DPH2: variants seen among roughly 807,000 people sequenced by gnomAD.
The protein encoded by DPH2 is diphthamide biosynthesis 2.
In DPH2, 28 loss-of-function variants were observed where a neutral mutation model predicts 42.5. The observed-to-expected ratio is 0.66, with a 90% CI of 0.49 to 0.90. The LOEUF is 0.90. Among genes scored for constraint, DPH2 ranks in the 40% least tolerant of loss-of-function variants. The pLI, the probability that DPH2 is intolerant of heterozygous loss-of-function variation, is 0.00. For synonymous variants in DPH2, 279 were observed against 264.4 expected (o/e 1.06, Z -0.53); for missense variants, 576 against 636.0 (o/e 0.91, Z 1.01).
Position 43,972,180 on chromosome 1 carries a change from C to G in DPH2, c.1191C>G (p.Leu397=). 6.2e-7 allele frequency: 1 copy of G among 1,614,034 alleles called. No individual in the cohort carries two copies. The highest frequency in any genetic ancestry group is 8.5e-7 in the Non-Finnish European group (1 of 1,179,936). The change falls in exon 5 of 6, where the codon CTC becomes CTG. Residue 397 remains leucine (L), a synonymous_variant. Coordinates refer to ENST00000255108, the MANE Select transcript of DPH2 (RefSeq NM_001384.5). ...CAGGCTCTCCCTTCCACGTGGCTCT[C>G]CCACCACCTGAGTCAGAGCTGTGGG... ...LLPGSPFHVA[L]PPPESELWET...
chr1:43,970,983 TG>T lies in DPH2; in HGVS notation c.281del (p.Gly94ValfsTer18), dbSNP rs1557640485. The T allele has an allele frequency of 6.3e-7, 1 of 1,580,706 alleles. No individual in the cohort carries two copies. The highest frequency in any genetic ancestry group is 8.6e-7 in the Non-Finnish European group (1 of 1,162,156). ...TAYGSCCVDV[L>X]GAEQAGAQAL... is the part of the protein sequence containing the mutation. ...CCCTGCAGCTGCTGCGTGGATGTGCTGGGTGCTGAGCAAGCTGGAGCTCAGG... is the reference window on the plus strand; with the variant it reads ...CCCTGCAGCTGCTGCGTGGATGTGCTGGTGCTGAGCAAGCTGGAGCTCAGG... On this transcript the variant is annotated frameshift_variant, in exon 3 of 6. Transcript: ENST00000255108. LOFTEE classifies it high-confidence loss of function.
In DPH2 at chr1:43,972,916, T is replaced by G; in HGVS notation, c.*377T>G. 5.7e-6 allele frequency: 1 copy of G among 175,318 alleles called. No individual in the cohort carries two copies. The allele number at this position is 175,318 out of a possible 1,614,324, so 10.9% of individuals were successfully genotyped here. A position where few individuals can be genotyped will look rare whatever the true frequency, so the allele number is the denominator to read the frequency against. ...CAGTCTAGACCAGGGTTTCTCAAAC[T>G]CGTACTTGACATTTGGGGCCAGATA... On this transcript the variant is annotated 3_prime_UTR_variant, in exon 6 of 6. Coordinates refer to ENST00000255108, the MANE Select transcript of DPH2 (RefSeq NM_001384.5).
chr1:43,970,616 C>T lies in DPH2; in HGVS notation c.168C>T (p.Asp56=). The change falls in exon 2 of 6, where the codon GAC becomes GAT. Residue 56 remains aspartate (D), a synonymous_variant. Transcript: ENST00000255108. ...GCERVALQFP[D]QLLGDAVAVA... Reference sequence around the variant, plus strand: ...TATAGGTTGCCTTGCAGTTCCCTGACCAGCTATTGGGAGATGCTGTGGCTG... The same window carrying T: ...TATAGGTTGCCTTGCAGTTCCCTGATCAGCTATTGGGAGATGCTGTGGCTG... 1.9e-6 allele frequency: 3 copies of T among 1,614,176 alleles called. No individual in the cohort carries two copies. Among genetic ancestry groups the T allele is most frequent in the Non-Finnish European group, 2.5e-6 (3 of 1,180,032 alleles).
rs773929521 is a variant in DPH2, at chr1:43,971,792, G to A, written c.890G>A (p.Arg297His). ...LAGTLGVAQHREALAHLRNLT... is the reference protein window; with the variant it reads ...LAGTLGVAQHHEALAHLRNLT... Reference sequence around the variant, plus strand: ...GGCACACTGGGTGTAGCCCAACACCGTGAGGCACTGGCCCACTTGCGGAAC... The same window carrying A: ...GGCACACTGGGTGTAGCCCAACACCATGAGGCACTGGCCCACTTGCGGAAC... Residue 297 changes from arginine (R) to histidine (H), a missense_variant, in exon 4 of 6, where the codon CGT becomes CAT. Arg to His is a conservative substitution (Grantham distance 29). Coordinates refer to ENST00000255108, the MANE Select transcript of DPH2 (RefSeq NM_001384.5). 29 of 1,610,938 alleles carry A rather than the reference G, an allele frequency of 1.8e-5. No individual in the cohort carries two copies. The highest frequency in any genetic ancestry group is 2.5e-5 in the Non-Finnish European group (29 of 1,180,010).
chr1:43,972,056 C>G lies in DPH2; in HGVS notation c.1154C>G (p.Ala385Gly). 6.2e-7 allele frequency: 1 copy of G among 1,613,544 alleles called. No homozygotes were observed. Among genetic ancestry groups the G allele is most frequent in the Non-Finnish European group, 8.5e-7 (1 of 1,179,640 alleles). ...CTGGCTCCCCACCTCACACATTATG[C>G]GGACTTATTGCCTGGTGAGTAGTGG... Reference protein sequence around the residue: ...PGLAPHLTHYADLLPGSPFHV... With the variant: ...PGLAPHLTHYGDLLPGSPFHV... Residue 385 changes from alanine (A) to glycine (G), a missense_variant, in exon 4 of 6, where the codon GCG (alanine) becomes GGG (glycine). Physicochemically the swap from Ala to Gly is moderately conservative, Grantham distance 60. Around this residue, in one of 3 missense-constraint regions of DPH2, gnomAD observed 178 missense variants for 184.4 expected, o/e 0.97. Coordinates refer to ENST00000255108, the MANE Select transcript of DPH2 (RefSeq NM_001384.5).
rs2085384056 is a variant in DPH2, at chr1:43,970,014, G to A, written c.-162G>A. The A allele has an allele frequency of 1.3e-6, 1 of 795,060 alleles. No individual in the cohort carries two copies. The highest frequency in any genetic ancestry group is 2.8e-5 in the East Asian group (1 of 35,536). 49.3% of individuals were successfully genotyped at this position (795,060 alleles called of 1,614,324 possible). The stretch of plus-strand genomic sequence containing the variant: ...TCCCACGTGTAGCGGAGAAACAGTA[G>A]TTAGGATGGCTGAAGGGGATACTCA... On this transcript the variant is annotated 5_prime_UTR_variant, in exon 1 of 6. Coordinates refer to ENST00000255108, the MANE Select transcript of DPH2 (RefSeq NM_001384.5).
At chr1:43,970,352 G>A (rs558033366) in intron 1 of DPH2, 30 bp downstream of exon 1, 1 of 1,607,220 alleles carries the variant, frequency 6.2e-7, no homozygotes, top group Non-Finnish European at 8.5e-7. Flanking sequence ...AGGGTGGCTC[G>A]CCTCTGTCGG....
Position 43,970,317 on chromosome 1 carries a change from G to C in DPH2, c.142G>C (p.Glu48Gln). The change falls in exon 1 of 6, where the codon GAA becomes CAA. Residue 48 changes from glutamate to glutamine, a missense_variant. This residue lies in a region of DPH2 where 395 missense variants were observed against 435.2 expected (regional missense o/e 0.91). Coordinates refer to ENST00000255108, the MANE Select transcript of DPH2 (RefSeq NM_001384.5). ...TGGATTTGTCCGCGACCTGGGGTGTGAACGAGTGAGGACAGACTTAGGGAA... is the reference window on the plus strand; with the variant it reads ...TGGATTTGTCCGCGACCTGGGGTGTCAACGAGTGAGGACAGACTTAGGGAA... ...VAGFVRDLGC[E>Q]RVALQFPDQL... 1 of 1,614,022 alleles carries C rather than the reference G, an allele frequency of 6.2e-7. No homozygotes were observed. Among genetic ancestry groups the C allele is most frequent in the Non-Finnish European group, 8.5e-7 (1 of 1,179,958 alleles).
chr1:43,972,006 C>T lies in DPH2; in HGVS notation c.1104C>T (p.Cys368=). The change falls in exon 4 of 6, where the codon TGC becomes TGT. Residue 368 remains cysteine (C), a synonymous_variant. Transcript: ENST00000255108. ...CACCATGTGAGCTGGAAGCTGCCTG[C>T]AACCCTGCCTGGCCACCTCCAGGCC... ...ILAPCELEAA[C]NPAWPPPGLA... 1.2e-6 allele frequency: 2 copies of T among 1,614,226 alleles called. No individual in the cohort carries two copies. The highest frequency in any genetic ancestry group is 2.2e-5 in the South Asian group (2 of 91,088).
At position 43,972,170 on chromosome 1, in the gene DPH2, A is replaced by T; in HGVS notation, c.1181A>T (p.His394Leu). ...YADLLPGSPF[H>L]VALPPPESEL... ...TCCTCCCTTTCAGGCTCTCCCTTCC[A>T]CGTGGCTCTCCCACCACCTGAGTCA... Residue 394 changes from histidine to leucine, a missense_variant, in exon 5 of 6, where the codon CAC (histidine) becomes CTC (leucine). Around this residue, in one of 3 missense-constraint regions of DPH2, gnomAD observed 178 missense variants for 184.4 expected, o/e 0.97. Coordinates refer to ENST00000255108, the MANE Select transcript of DPH2 (RefSeq NM_001384.5). The T allele has an allele frequency of 6.2e-7, 1 of 1,613,616 alleles. No homozygotes were observed. The highest frequency in any genetic ancestry group is 2.2e-5 in the East Asian group (1 of 44,866).
At chr1:43,971,310 C>G (rs1325088803) in intron 3 of DPH2, 77 bp from the exon 4 acceptor site, 1 of 1,528,806 alleles carries the variant, frequency 6.5e-7, no homozygotes, top group African/African-American at 1.4e-5. Flanking sequence ...CCTACTGGGT[C>G]ATATTTAGTC....
chr1:43,972,378 A>C (rs777052949), intron 5 of DPH2, 37 bp from the exon 6 acceptor site: 8 of 1,613,686 alleles, frequency 5.0e-6, no homozygotes, highest in Non-Finnish European at 6.8e-6. Context: ...TTTTCTCCAG[A>C]TGCAGCGCAC....
At position 43,971,029 on chromosome 1, in the gene DPH2, T is replaced by G. The variant is rs1421869807; in HGVS notation, c.324T>G (p.Pro108=). Residue 108 remains proline (P), a synonymous_variant, in exon 3 of 6, where the codon CCT becomes CCG. Coordinates refer to ENST00000255108, the MANE Select transcript of DPH2 (RefSeq NM_001384.5). The part of the protein sequence containing the change: ...AGAQALIHFG[P]ACLSPPARPL... ...CTCAGGCTCTCATACATTTTGGCCC[T>G]GCCTGCTTAAGCCCTCCAGCCCGCC... 6.3e-7 allele frequency: 1 copy of G among 1,584,680 alleles called. No individual in the cohort carries two copies. Among genetic ancestry groups the G allele is most frequent in the Non-Finnish European group, 8.6e-7 (1 of 1,164,572 alleles).
chr1:43,970,663 C>A lies in DPH2; in HGVS notation c.215C>A (p.Thr72Lys). The A allele has an allele frequency of 1.2e-6, 2 of 1,614,130 alleles. No homozygotes were observed. The highest frequency in any genetic ancestry group is 1.7e-6 in the Non-Finnish European group (2 of 1,180,026). ...GCTGTGGCTGCACGACTGGAGGAGA[C>A]GACAGGGTCAAAGATGTTCATTCTG... ...AVAVAARLEE[T>K]TGSKMFILGD... Residue 72 changes from threonine (T) to lysine (K), a missense_variant, in exon 2 of 6, where the codon ACG becomes AAG. Thr to Lys is a moderately conservative substitution (Grantham distance 78). This residue lies in a region of DPH2 where 395 missense variants were observed against 435.2 expected (regional missense o/e 0.91). Transcript: ENST00000255108.
chr1:43,971,823 T>G lies in DPH2; in HGVS notation c.921T>G (p.Thr307=), dbSNP rs2085434755. The change falls in exon 4 of 6, where the codon ACT becomes ACG. Residue 307 remains threonine, a synonymous_variant. Coordinates refer to ENST00000255108, the MANE Select transcript of DPH2 (RefSeq NM_001384.5). The part of the protein sequence containing the change: ...REALAHLRNL[T]QAAGKRSYVL... ...CACTGGCCCACTTGCGGAACCTGAC[T>G]CAGGCTGCTGGCAAGCGTAGCTATG... 4 of 1,613,062 alleles carry G rather than the reference T, an allele frequency of 2.5e-6. No homozygotes were observed. Among genetic ancestry groups the G allele is most frequent in the Non-Finnish European group, 3.4e-6 (4 of 1,180,032 alleles).
Position 43,972,510 on chromosome 1 carries a change from A to G in DPH2, c.1441A>G (p.Ile481Val). Reference sequence around the variant, plus strand: ...TGTGAGTGGAAGACGAGGGATTGCCATCGCCTATGAGGATGAGGGAAGCGG... The same window carrying G: ...TGTGAGTGGAAGACGAGGGATTGCCGTCGCCTATGAGGATGAGGGAAGCGG... ...EAVSGRRGIA[I>V]AYEDEGSG Residue 481 changes from isoleucine to valine, a missense_variant, in exon 6 of 6, where the codon ATC becomes GTC. Ile to Val is a conservative substitution (Grantham distance 29, BLOSUM62 3). Coordinates refer to ENST00000255108, the MANE Select transcript of DPH2 (RefSeq NM_001384.5). The G allele has an allele frequency of 6.2e-7, 1 of 1,614,274 alleles. No homozygotes were observed. Among genetic ancestry groups the G allele is most frequent in the South Asian group, 1.1e-5 (1 of 91,090 alleles).
Position 43,972,574 on chromosome 1 carries a change from G to A in DPH2, c.*35G>A. The A allele has an allele frequency of 6.2e-7, 1 of 1,613,184 alleles. No individual in the cohort carries two copies. Among genetic ancestry groups the A allele is most frequent in the Non-Finnish European group, 8.5e-7 (1 of 1,179,472 alleles). On this transcript the variant is annotated 3_prime_UTR_variant, in exon 6 of 6. Transcript: ENST00000255108. ...GGGCTGGAGACATAGATGGACTTAT[G>A]AATGGCTGCTAGGACCTTTAGTGCT...
rs1269038134 is a variant in DPH2 at position 43,972,049 on chromosome 1, C to A, written c.1147C>A (p.His383Asn). 6.2e-7 allele frequency: 1 copy of A among 1,613,916 alleles called. No homozygotes were observed. Among genetic ancestry groups the A allele is most frequent in the Non-Finnish European group, 8.5e-7 (1 of 1,179,894 alleles). Reference sequence around the variant, plus strand: ...TCCAGGCCTGGCTCCCCACCTCACACATTATGCGGACTTATTGCCTGGTGA... The same window carrying A: ...TCCAGGCCTGGCTCCCCACCTCACAAATTATGCGGACTTATTGCCTGGTGA... ...PPPGLAPHLT[H>N]YADLLPGSPF... Residue 383 changes from histidine (H) to asparagine (N), a missense_variant, in exon 4 of 6, where the codon CAT becomes AAT. His to Asn is a moderately conservative substitution (Grantham distance 68, BLOSUM62 1). Transcript: ENST00000255108.
rs372695625 is a variant in DPH2 at position 43,971,838 on chromosome 1, G to A, written c.936G>A (p.Lys312=). ...GGAACCTGACTCAGGCTGCTGGCAA[G>A]CGTAGCTATGTGTTGGCCCTGGGGC... ...HLRNLTQAAG[K]RSYVLALGRP... is the part of the protein sequence containing the mutation. The change falls in exon 4 of 6, where the codon AAG becomes AAA. Residue 312 remains lysine (K), a synonymous_variant. Transcript: ENST00000255108. 1 of 1,613,654 alleles carries A rather than the reference G, an allele frequency of 6.2e-7. No homozygotes were observed. The highest frequency in any genetic ancestry group is 8.5e-7 in the Non-Finnish European group (1 of 1,180,040).
Sources: allele counts gnomAD v4.1 joint callset, GRCh38; gene constraint gnomAD v4.1.1; regional missense constraint gnomAD v4.1.1; transcripts MANE v1.5; gene names NCBI Gene and HGNC (gene_info 2026-07-23, HGNC 2026-07-21).